Variants in BICDL1 observed in about 807,000 individuals in gnomAD.
BICDL1 encodes the protein BICD family like cargo adaptor 1, also known as BICD family-like cargo adapter 1.
A neutral mutation model predicts 76.8 loss-of-function variants in BICDL1; 20 were observed. The ratio of observed to expected loss-of-function variants is 0.26; its 90% CI spans 0.18 to 0.38. The LOEUF (loss-of-function observed/expected upper bound fraction) is 0.38, where lower values mean the gene tolerates loss of function less well. BICDL1 is among the 10% of genes least tolerant of loss of function. The probability of loss-of-function intolerance (pLI) is 1.00; values close to 1 mark genes in which losing one functional copy is unlikely to be tolerated. For synonymous variants in BICDL1, 383 were observed against 337.1 expected (o/e 1.14, Z -1.49); for missense variants, 700 against 798.6 (o/e 0.88, Z 1.49).
At position 120,043,471 on chromosome 12, in the gene BICDL1, G is replaced by A. The variant is rs1952684125; in HGVS notation, c.646-18239G>A. On this transcript the variant is annotated intron_variant, in intron 2 of 9. Coordinates refer to ENST00000548673, the MANE Select transcript of BICDL1 (RefSeq NM_001367886.1). ...CAGGGAAAATAGTCATGGGTTCTGA[G>A]TATTAAAAGATTGCACATGCAAAAG... 2.6e-5 allele frequency among the ~76,000 whole-genome samples: 4 copies of A among 152,352 alleles called. No homozygotes were observed. The South Asian group carries it at 8.3e-4, about 32-fold the overall frequency.
chr12:120,087,144 T>A (rs761257404), intron 8 of BICDL1, among the ~76,000 whole-genome samples: 28 of 152,346 alleles, frequency 1.8e-4, no homozygotes, highest in African/African-American at 4.1e-4. Context: ...TGGAGGGGTG[T>A]CCATGGCAAC....
intron 2 of BICDL1, among the ~76,000 whole-genome samples, chr12:120,014,607 G>C (rs776033509): frequency 4.0e-5 from 6 of 151,608 alleles, no homozygotes; most frequent in Middle Eastern, 3.2e-3. Flanking sequence ...CAAGAGAATC[G>C]CTTGAACCCA....
intron 2 of BICDL1, among the ~76,000 whole-genome samples, chr12:120,034,423 G>T (rs1365501893): frequency 6.6e-6 from 1 of 152,234 alleles, no homozygotes. Context: ...CTTCCTTGGA[G>T]TGGGGCACTG....
At chr12:120,085,467 G>C (rs375714040) in intron 8 of BICDL1, among the ~76,000 whole-genome samples, 15 of 152,296 alleles carry the variant, frequency 9.8e-5, no homozygotes, top group African/African-American at 3.6e-4. Flanking sequence ...GAAATTGTGT[G>C]ATGGAATAAA....
chr12:120,033,249 G>A (rs1280470889), intron 2 of BICDL1, among the ~76,000 whole-genome samples: 1 of 151,640 alleles, frequency 6.6e-6, no homozygotes, highest in African/African-American at 2.4e-5. Context: ...ACTGTTCTAT[G>A]TCTGGTGCAT....
chr12:120,072,796 G>A, intron 6 of BICDL1, 67 bp downstream of exon 6: 1 of 1,365,166 alleles, frequency 7.3e-7, no homozygotes, highest in East Asian at 2.3e-5. Context: ...AGAACCCAGT[G>A]CATAGGGTGA....
At chr12:120,084,255 G>A (rs1437368538) in intron 8 of BICDL1, among the ~76,000 whole-genome samples, 1 of 152,126 alleles carries the variant, frequency 6.6e-6, no homozygotes, top group Non-Finnish European at 1.5e-5. Context: ...ACCCGCCCTG[G>A]CCTCCCAAAG....
chr12:119,992,134 TTA>T (rs1951536929), intron 1 of BICDL1, among the ~76,000 whole-genome samples: 1 of 152,156 alleles, frequency 6.6e-6, no homozygotes, highest in Non-Finnish European at 1.5e-5. Context: ...GGGGAGTCAG[TTA>T]TATTATTTCT....
intron 4 of BICDL1, among the ~76,000 whole-genome samples, chr12:120,068,129 A>G (rs1872788810): frequency 1.3e-5 from 2 of 152,230 alleles, no homozygotes; most frequent in African/African-American, 2.4e-5. Flanking sequence ...CATGAGAACT[A>G]TAGAGCTCCA....
At chr12:120,081,804 G>T (rs181989809) in intron 8 of BICDL1, among the ~76,000 whole-genome samples, 1 of 150,594 alleles carries the variant, frequency 6.6e-6, no homozygotes, top group African/African-American at 2.4e-5. Flanking sequence ...ATTAGCATAT[G>T]GTCAGTGTTA....
intron 2 of BICDL1, among the ~76,000 whole-genome samples, chr12:120,036,073 A>T (rs1195289095): frequency 6.6e-6 from 1 of 152,232 alleles, no homozygotes; most frequent in Non-Finnish European, 1.5e-5. Context: ...CATTGTATGA[A>T]TATTCACAGA....
intron 2 of BICDL1, among the ~76,000 whole-genome samples, chr12:120,017,960 A>G (rs11064994): frequency 0.044 from 6,727 of 152,236 alleles, 227 homozygotes; most frequent in Non-Finnish European, 0.072. Flanking sequence ...TCCATGCTTG[A>G]TTCTTGCTGA....
At chr12:120,025,995 G>A (rs550082023) in intron 2 of BICDL1, among the ~76,000 whole-genome samples, 4 of 151,838 alleles carry the variant, frequency 2.6e-5, no homozygotes, top group African/African-American at 9.7e-5. Flanking sequence ...ACACCAGTAC[G>A]CCCAGCTAAT....
chr12:120,041,176 G>A (rs1367423333), intron 2 of BICDL1, among the ~76,000 whole-genome samples: 1 of 152,168 alleles, frequency 6.6e-6, no homozygotes, highest in East Asian at 1.9e-4. Context: ...TGAGAGGGAG[G>A]AGAAAGATTT....
intron 2 of BICDL1, among the ~76,000 whole-genome samples, chr12:120,038,825 C>A (rs1218774264): frequency 6.6e-6 from 1 of 152,118 alleles, no homozygotes; most frequent in Non-Finnish European, 1.5e-5. Flanking sequence ...ACCTGTCTAA[C>A]AGGGATTATT....
chr12:120,001,468 G>T (rs1191496811), intron 2 of BICDL1, among the ~76,000 whole-genome samples: 1 of 151,950 alleles, frequency 6.6e-6, no homozygotes, highest in Non-Finnish European at 1.5e-5. Flanking sequence ...GGATGGTCTC[G>T]ATCTCCTGAC....
chr12:120,069,900 T>G (rs1301289030), intron 4 of BICDL1, among the ~76,000 whole-genome samples: 1 of 152,254 alleles, frequency 6.6e-6, no homozygotes, highest in Non-Finnish European at 1.5e-5. Flanking sequence ...GAACGTTTTA[T>G]AGACTCATGT....
intron 2 of BICDL1, among the ~76,000 whole-genome samples, chr12:120,012,112 T>C (rs888015282): frequency 1.3e-5 from 2 of 152,206 alleles, no homozygotes; most frequent in Admixed American, 6.5e-5. Context: ...TATTCATCCT[T>C]CTCTGGGACC....
At chr12:120,080,164 C>CCATACTGTGGGGCAGGGTAAG (rs1873855572) in intron 7 of BICDL1, among the ~76,000 whole-genome samples, 1 of 152,204 alleles carries the variant, frequency 6.6e-6, no homozygotes, top group Non-Finnish European at 1.5e-5. Context: ...CACAGGGTTA[C>CCATACTGTGGGGCAGGGTAAG]CATACTGTGG....
Sources: gnomAD v4.1 joint callset for allele counts (sites outside exome capture counted in the v4.1 genomes callset) on GRCh38, gnomAD v4.1.1 for gene constraint, MANE v1.5 for transcripts, NCBI Gene and HGNC (gene_info 2026-07-23, HGNC 2026-07-21) for gene names.